PRKCH: variants seen among roughly 807,000 people sequenced by gnomAD.
PRKCH encodes the protein protein kinase C eta type.
A neutral mutation model predicts 82.5 loss-of-function variants in PRKCH; 28 were observed. The ratio of observed to expected loss-of-function variants is 0.34; its 90% confidence interval spans 0.25 to 0.47. The LOEUF (loss-of-function observed/expected upper bound fraction) is 0.47. Among genes scored for constraint, PRKCH ranks in the 20% least tolerant of loss-of-function variants. PRKCH has a pLI of 1.00. For missense variants in PRKCH, 705 were observed against 881.8 expected (o/e 0.80, Z 2.54); for synonymous variants, 322 against 327.4 (o/e 0.98, Z 0.18).
chr14:61,505,385 C>CTTTTTTTTTTTTTTTTTTTTTTT lies in PRKCH; in HGVS notation c.1433+19733_1433+19734insTTTTTTTTTTTTTTTTTTTTTTT. Among the ~76,000 whole-genome samples, 2 of 75,078 alleles carry CTTTTTTTTTTTTTTTTTTTTTTT rather than the reference C, an allele frequency of 2.7e-5. 1 individual carries two copies. Among genetic ancestry groups the CTTTTTTTTTTTTTTTTTTTTTTT allele is most frequent in the Admixed American group, 3.1e-4 (2 of 6,482 alleles). 49.3% of individuals were successfully genotyped at this position (75,078 alleles called of 152,430 possible). On this transcript the variant is annotated intron_variant, in intron 10 of 13. Transcript: ENST00000332981. ...CTCTCTAGGATTTGTCTTTTCTTTT[C>CTTTTTTTTTTTTTTTTTTTTTTT]TTTTCTTTTCTTTTTTTTTTTTTTT...
intron 1 of PRKCH, among the ~76,000 whole-genome samples, chr14:61,253,038 T>C (rs1419676967): frequency 3.9e-5 from 6 of 152,238 alleles, no homozygotes; most frequent in Non-Finnish European, 1.5e-5. Flanking sequence ...GTTTTTACAG[T>C]GGTGCTTTTG....
chr14:61,248,536 T>C (rs2044907608), intron 1 of PRKCH, among the ~76,000 whole-genome samples: 1 of 152,062 alleles, frequency 6.6e-6, no homozygotes, highest in South Asian at 2.1e-4. Context: ...ATCAATACCA[T>C]CTGAGGGGGC....
chr14:61,200,632 T>C (rs542364192), intron 1 of PRKCH, among the ~76,000 whole-genome samples: 1 of 152,238 alleles, frequency 6.6e-6, no homozygotes, highest in African/African-American at 2.4e-5. Flanking sequence ...TCAATCCTTA[T>C]CCAAGGCTTA....
intron 1 of PRKCH, among the ~76,000 whole-genome samples, chr14:61,315,986 GA>G (rs1175463090): frequency 6.6e-6 from 1 of 152,110 alleles, no homozygotes; most frequent in Non-Finnish European, 1.5e-5. Flanking sequence ...GACCTCAGGT[GA>G]TCCACCTGCC....
At chr14:61,297,641 C>G (rs985396221) in intron 1 of PRKCH, among the ~76,000 whole-genome samples, 4 of 152,156 alleles carry the variant, frequency 2.6e-5, no homozygotes, top group Non-Finnish European at 2.9e-5. Flanking sequence ...ACCTAGATCC[C>G]TTAAATCCGC....
At chr14:61,357,447 A>C (rs753483627) in intron 1 of PRKCH, among the ~76,000 whole-genome samples, 5 of 152,150 alleles carry the variant, frequency 3.3e-5, no homozygotes, top group Admixed American at 2.0e-4. Context: ...CTGCTCCTGC[A>C]TCCTCCTAGG....
At chr14:61,451,833 C>T (rs952857306) in intron 6 of PRKCH, among the ~76,000 whole-genome samples, 1 of 152,228 alleles carries the variant, frequency 6.6e-6, no homozygotes, top group Non-Finnish European at 1.5e-5. Flanking sequence ...CTTGGACTTA[C>T]AGAGCCTGCT....
chr14:61,246,242 C>T (rs1167245192), intron 1 of PRKCH, among the ~76,000 whole-genome samples: 7 of 128,506 alleles, frequency 5.4e-5, no homozygotes, highest in Admixed American at 8.4e-5. Context: ...CCCATCTCTA[C>T]TGGAAAAAAA....
intron 2 of PRKCH, among the ~76,000 whole-genome samples, chr14:61,409,066 C>T (rs866872516): frequency 1.7e-4 from 26 of 152,212 alleles, no homozygotes; most frequent in South Asian, 2.1e-4. Flanking sequence ...ATCTGCCCAC[C>T]AGAGCCAATG....
chr14:61,190,237 A>T (rs2044398458), intron 1 of PRKCH, among the ~76,000 whole-genome samples: 2 of 152,018 alleles, frequency 1.3e-5, no homozygotes, highest in African/African-American at 4.8e-5. Flanking sequence ...TCTCATCCTC[A>T]CCACCCACCT....
chr14:61,547,566 C>T (rs1281296611), intron 12 of PRKCH, among the ~76,000 whole-genome samples, 177 bp from the exon 13 acceptor site: 5 of 152,236 alleles, frequency 3.3e-5, no homozygotes, highest in Non-Finnish European at 7.3e-5. Context: ...CAGGCAATCG[C>T]GCCTTTAAGG....
chr14:61,462,321 C>G (rs546190872), intron 9 of PRKCH, among the ~76,000 whole-genome samples: 85 of 152,214 alleles, frequency 5.6e-4, no homozygotes, highest in African/African-American at 2.0e-3. Context: ...ACCCGGGAGG[C>G]AGAGGTTGCA....
At chr14:61,223,933 C>G (rs1446418863) in intron 1 of PRKCH, among the ~76,000 whole-genome samples, 1 of 152,200 alleles carries the variant, frequency 6.6e-6, no homozygotes, top group Non-Finnish European at 1.5e-5. Context: ...TAAAAATTAA[C>G]ATTTTGCCTA....
intron 12 of PRKCH, among the ~76,000 whole-genome samples, chr14:61,536,206 A>G (rs994416276): frequency 2.0e-5 from 3 of 152,210 alleles, no homozygotes; most frequent in Non-Finnish European, 2.9e-5. Context: ...AGACAAAATT[A>G]ACCAGTGGTT....
intron 1 of PRKCH, among the ~76,000 whole-genome samples, chr14:61,308,882 GCCTCCCACAA>G: frequency 6.6e-6 from 1 of 152,032 alleles, no homozygotes; most frequent in East Asian, 1.9e-4. Context: ...TCCAGCGTCA[GCCTCCCACAA>G]TGCTGGGATT....
At chr14:61,481,521 TCA>T (rs1253435013) in intron 9 of PRKCH, among the ~76,000 whole-genome samples, 27 of 152,364 alleles carry the variant, frequency 1.8e-4, no homozygotes, top group Admixed American at 1.2e-3. Context: ...TCAAACAGCC[TCA>T]CAACTGTGTC....
chr14:61,378,181 G>A (rs2046449950), intron 1 of PRKCH, among the ~76,000 whole-genome samples: 1 of 151,326 alleles, frequency 6.6e-6, no homozygotes, highest in African/African-American at 2.4e-5. Flanking sequence ...CCCTAGCCCA[G>A]TGATTGCTCC....
At chr14:61,526,871 C>A (rs1201225622) in intron 10 of PRKCH, among the ~76,000 whole-genome samples, 2 of 152,264 alleles carry the variant, frequency 1.3e-5, no homozygotes, top group African/African-American at 2.4e-5. Context: ...AGCATCCCCC[C>A]CGTGACCTGC....
At chr14:61,210,364 G>A (rs2044565277) in intron 1 of PRKCH, among the ~76,000 whole-genome samples, 1 of 151,764 alleles carries the variant, frequency 6.6e-6, no homozygotes, top group African/African-American at 2.4e-5. Context: ...CGTACAGCTT[G>A]GTGAGTAAAG....
Sources: gnomAD v4.1 joint callset for allele counts (sites outside exome capture counted in the v4.1 genomes callset) on GRCh38, gnomAD v4.1.1 for gene constraint, MANE v1.5 for transcripts, NCBI Gene and HGNC (gene_info 2026-07-23, HGNC 2026-07-21) for gene names.